ADAMDEC1: variants seen among roughly 807,000 people sequenced by gnomAD.
The protein encoded by ADAMDEC1 is ADAM like decysin 1.
ADAMDEC1 carries 62 observed loss-of-function variants against 60.4 expected under a neutral mutation model. The ratio of observed to expected loss-of-function variants is 1.03; its 90% confidence interval spans 0.84 to 1.27. The LOEUF is 1.27. Among genes scored for constraint, ADAMDEC1 ranks in the 50% most tolerant of loss-of-function variants. The probability of loss-of-function intolerance (pLI) is 0.00; values close to 1 mark genes in which losing one functional copy is unlikely to be tolerated. For synonymous variants in ADAMDEC1, 210 were observed against 195.1 expected (o/e 1.08, Z -0.64); for missense variants, 595 against 565.0 (o/e 1.05, Z -0.54).
At position 24,392,264 on chromosome 8, in the gene ADAMDEC1, A is replaced by G. The variant is rs772500890; in HGVS notation, c.91A>G (p.Ile31Val). Reference sequence around the variant, plus strand: ...GAATATTATTTCTCTTTCTCTAGCAATAGCCATAAAGCAAACACCTGAATT... The same window carrying G: ...GAATATTATTTCTCTTTCTCTAGCAGTAGCCATAAAGCAAACACCTGAATT... ...VLWLIVQTQAIAIKQTPELTL... is the reference protein window; with the variant it reads ...VLWLIVQTQAVAIKQTPELTL... Residue 31 changes from isoleucine to valine, a missense_variant and splice_region_variant, in exon 2 of 14, where the codon ATA (isoleucine) becomes GTA (valine). By Grantham distance (29) the Ile-to-Val change is conservative. Transcript: ENST00000256412. The G allele has an allele frequency of 1.0e-5, 16 of 1,595,220 alleles. No individual in the cohort carries two copies. The highest frequency in any genetic ancestry group is 3.4e-4 in the Middle Eastern group (2 of 5,940).
At chr8:24,396,609 T>C (rs1171602184) in intron 5 of ADAMDEC1, among the ~76,000 whole-genome samples, 1 of 152,216 alleles carries the variant, frequency 6.6e-6, no homozygotes, top group Non-Finnish European at 1.5e-5. Flanking sequence ...CACCCTTATG[T>C]GCACATATAG....
Position 24,397,367 on chromosome 8 carries a change from C to T in ADAMDEC1, c.538C>T (p.Gln180Ter). The T allele has an allele frequency of 6.2e-7, 1 of 1,614,080 alleles. No homozygotes were observed. Among genetic ancestry groups the T allele is most frequent in the Non-Finnish European group, 8.5e-7 (1 of 1,179,958 alleles). ...HAVFTSNQEE[Q>*]DPANHTCGVK... Reference sequence around the variant, plus strand: ...CGTCTTTACATCTAACCAGGAGGAACAAGACCCAGCTAACCACACATGTGG... The same window carrying T: ...CGTCTTTACATCTAACCAGGAGGAATAAGACCCAGCTAACCACACATGTGG... Residue 180 changes from glutamine to a stop codon, truncating the protein, a stop_gained, in exon 6 of 14, where the codon CAA (glutamine) becomes TAA (stop). Transcript: ENST00000256412. LOFTEE classifies it high-confidence loss of function.
At chr8:24,396,768 A>C (rs1172227489) in intron 5 of ADAMDEC1, among the ~76,000 whole-genome samples, 2 of 152,218 alleles carry the variant, frequency 1.3e-5, no homozygotes, top group Admixed American at 6.5e-5. Context: ...GTAATATTTT[A>C]TTATATGGAT....
intron 13 of ADAMDEC1, 41 bp downstream of exon 13, chr8:24,404,129 C>T (rs754848678): frequency 3.0e-5 from 47 of 1,572,582 alleles, no homozygotes; most frequent in Non-Finnish European, 3.8e-5. Context: ...CGTTTTCTCA[C>T]GTTTATTTCA....
At chr8:24,401,842 A>T in intron 11 of ADAMDEC1, 73 bp from the exon 12 acceptor site, 1 of 1,250,882 alleles carries the variant, frequency 8.0e-7, no homozygotes, top group Non-Finnish European at 1.1e-6. Context: ...GTGTTTCTTT[A>T]TCTTTATTCT....
At chr8:24,403,481 C>T (rs944347952) in intron 12 of ADAMDEC1, among the ~76,000 whole-genome samples, 3 of 151,754 alleles carry the variant, frequency 2.0e-5, no homozygotes, top group East Asian at 1.9e-4. Flanking sequence ...ATTGTTTTGT[C>T]GTTACTGTTT....
intron 4 of ADAMDEC1, among the ~76,000 whole-genome samples, chr8:24,394,552 A>C (rs1250495492): frequency 6.6e-6 from 1 of 152,174 alleles, no homozygotes; most frequent in Non-Finnish European, 1.5e-5. Flanking sequence ...AATAATTAAT[A>C]TTTTTATATC....
chr8:24,390,817 A>G (rs775674429), intron 1 of ADAMDEC1, among the ~76,000 whole-genome samples: 12 of 152,204 alleles, frequency 7.9e-5, no homozygotes, highest in Middle Eastern at 3.4e-3. Flanking sequence ...TACTTTATAT[A>G]TCTTGCGAAG....
At position 24,400,157 on chromosome 8, in the gene ADAMDEC1, C is replaced by A. The variant is rs113981898; in HGVS notation, c.1012-13C>A. On this transcript the variant is annotated splice_polypyrimidine_tract_variant and intron_variant, in intron 10 of 13. Transcript: ENST00000256412. The stretch of plus-strand genomic sequence containing the variant: ...ATAAAAAAAGAATAAATAAATATAT[C>A]TACTTTTTCCAGGCTAAAAAAAAGA... 25 of 1,532,660 alleles carry A rather than the reference C, an allele frequency of 1.6e-5. No individual in the cohort carries two copies. The African/African-American group carries it at 1.8e-4, about 11-fold the overall frequency. 94.9% of individuals were successfully genotyped at this position (1,532,660 alleles called of 1,614,324 possible).
Position 24,399,444 on chromosome 8 carries a change from G to C in ADAMDEC1, c.981G>C (p.Leu327Phe). 1 of 1,613,864 alleles carries C rather than the reference G, an allele frequency of 6.2e-7. No individual in the cohort carries two copies. The highest frequency in any genetic ancestry group is 8.5e-7 in the Non-Finnish European group (1 of 1,179,884). ...TGGGACTGGCAGCTTCAAATTCCTT[G>C]TGTTCCCCATCTTCGGTTGCTGTTA... Reference protein sequence around the residue: ...RRVGLAASNSLCSPSSVAVIE... With the variant: ...RRVGLAASNSFCSPSSVAVIE... The change falls in exon 10 of 14, where the codon TTG (leucine) becomes TTC (phenylalanine). Residue 327 changes from leucine to phenylalanine, a missense_variant. Leu to Phe is a conservative substitution (Grantham distance 22, BLOSUM62 0). Coordinates refer to ENST00000256412, the MANE Select transcript of ADAMDEC1 (RefSeq NM_014479.3).
At chr8:24,404,831 G>T (rs1817850529) in intron 13 of ADAMDEC1, among the ~76,000 whole-genome samples, 1 of 152,158 alleles carries the variant, frequency 6.6e-6, no homozygotes, top group Non-Finnish European at 1.5e-5. Context: ...CAAGGTCAAA[G>T]ATAAGGACCA....
chr8:24,400,897 T>A (rs1817749482), intron 11 of ADAMDEC1, among the ~76,000 whole-genome samples: 1 of 151,356 alleles, frequency 6.6e-6, no homozygotes, highest in Non-Finnish European at 1.5e-5. Context: ...TTTGGTTTTT[T>A]GTCCTCACGA....
intron 12 of ADAMDEC1, among the ~76,000 whole-genome samples, chr8:24,403,475 T>C (rs1817815866): frequency 6.6e-6 from 1 of 152,120 alleles, no homozygotes; most frequent in African/African-American, 2.4e-5. Context: ...CTCTTCATTG[T>C]TTTGTCGTTA....
intron 11 of ADAMDEC1, among the ~76,000 whole-genome samples, chr8:24,400,744 A>C (rs935030377): frequency 6.7e-6 from 1 of 149,388 alleles, no homozygotes; most frequent in African/African-American, 2.5e-5. Context: ...CCCATTAACT[A>C]GTCATTTAGC....
chr8:24,397,863 G>A, intron 7 of ADAMDEC1, 118 bp downstream of exon 7: 1 of 904,256 alleles, frequency 1.1e-6, no homozygotes, highest in East Asian at 2.6e-5. Flanking sequence ...CCACCTGGGT[G>A]TCTTGGCTGT....
In ADAMDEC1 at chr8:24,405,419, T is replaced by A. The variant is rs1283544829; in HGVS notation, c.*121T>A. 1.6e-5 allele frequency: 18 copies of A among 1,156,028 alleles called. No homozygotes were observed. The highest frequency in any genetic ancestry group is 2.2e-5 in the Non-Finnish European group (17 of 789,398). 71.6% of individuals were successfully genotyped at this position (1,156,028 alleles called of 1,614,324 possible). ...GTCTTTCACTTGTCATTCTACTTTC[T>A]ATATTGTTATCAGTCCAGGAAACAG... On this transcript the variant is annotated 3_prime_UTR_variant, in exon 14 of 14. Coordinates refer to ENST00000256412, the MANE Select transcript of ADAMDEC1 (RefSeq NM_014479.3).
intron 11 of ADAMDEC1, among the ~76,000 whole-genome samples, chr8:24,401,518 C>T (rs1817765219): frequency 6.6e-6 from 1 of 152,032 alleles, no homozygotes; most frequent in Non-Finnish European, 1.5e-5. Context: ...TCCATAAAGC[C>T]CAGAAGCCTG....
At chr8:24,390,932 C>A (rs1290906664) in intron 1 of ADAMDEC1, among the ~76,000 whole-genome samples, 1 of 152,076 alleles carries the variant, frequency 6.6e-6, no homozygotes, top group South Asian at 2.1e-4. Flanking sequence ...ATTTTGAGGG[C>A]TCTTCCAAAA....
chr8:24,395,613 C>T, intron 4 of ADAMDEC1, 107 bp from the exon 5 acceptor site: 1 of 724,978 alleles, frequency 1.4e-6, no homozygotes, highest in Non-Finnish European at 2.2e-6. Flanking sequence ...TGGTAGCTTT[C>T]CTCACAACTG....
Sources: allele counts gnomAD v4.1 joint callset (sites outside exome capture counted in the v4.1 genomes callset), GRCh38; gene constraint gnomAD v4.1.1; transcripts MANE v1.5; gene names NCBI Gene and HGNC (gene_info 2026-07-23, HGNC 2026-07-21).